The following GALNT10 variants were observed in gnomAD, a reference collection of about 807,000 sequenced individuals.
GALNT10 encodes GalNAc transferase 10.
A neutral mutation model predicts 75.0 loss-of-function variants in GALNT10; 41 were observed. That is an observed-to-expected ratio of 0.55 (90% CI 0.43 to 0.71). The LOEUF (loss-of-function observed/expected upper bound fraction) is 0.71. Among genes scored for constraint, GALNT10 ranks in the 30% least tolerant of loss-of-function variants. GALNT10 has a pLI of 0.00. For synonymous variants in GALNT10, 302 were observed against 313.0 expected (o/e 0.96, Z 0.37); for missense variants, 727 against 818.5 (o/e 0.89, Z 1.36).
chr5:154,191,694 C>A (rs1774863594), intron 1 of GALNT10, among the ~76,000 whole-genome samples: 1 of 152,258 alleles, frequency 6.6e-6, no homozygotes, highest in African/African-American at 2.4e-5. Flanking sequence ...CTTGAGGGAC[C>A]TGCTGCCTTT....
Position 154,412,402 on chromosome 5 carries a change from G to A in GALNT10, c.1387-487G>A, listed in dbSNP as rs1235592833. The A allele has an allele frequency of 6.2e-6, 1 of 160,536 alleles. No homozygotes were observed. 9.9% of individuals were successfully genotyped at this position (160,536 alleles called of 1,614,324 possible). A position where few individuals can be genotyped will look rare whatever the true frequency, so the allele number is the denominator to read the frequency against. On this transcript the variant is annotated intron_variant, in intron 9 of 11. Transcript: ENST00000297107. This position sits in a 1 kb window ranked among gnomAD's most constrained non-coding sequence, Gnocchi z 4.2. ...TTCTTTGGATCTCAGCAGGGGGTGAGGGGGCCTCCTGCCACCTCTTGCCAT... is the reference window on the plus strand; with the variant it reads ...TTCTTTGGATCTCAGCAGGGGGTGAAGGGGCCTCCTGCCACCTCTTGCCAT...
intron 4 of GALNT10, among the ~76,000 whole-genome samples, chr5:154,359,976 A>G (rs567759610): frequency 6.6e-4 from 100 of 152,132 alleles, no homozygotes; most frequent in Non-Finnish European, 9.0e-4. Context: ...CAGGAATCCT[A>G]CTTCTCAGTG....
intron 1 of GALNT10, among the ~76,000 whole-genome samples, chr5:154,254,723 C>T (rs569291388): frequency 6.6e-6 from 1 of 152,156 alleles, no homozygotes; most frequent in East Asian, 1.9e-4. Context: ...TGTCTAAGGC[C>T]ACATTACAGC....
intron 4 of GALNT10, among the ~76,000 whole-genome samples, chr5:154,344,206 TTTC>T (rs146114824): frequency 0.5 from 56,774 of 113,480 alleles, 12,773 homozygotes; most frequent in Admixed American, 0.59. Flanking sequence ...TCTTTCTTTC[TTTC>T]TTTTTTTTTT....
intron 1 of GALNT10, among the ~76,000 whole-genome samples, chr5:154,263,832 T>C (rs998123728): frequency 3.9e-5 from 6 of 152,188 alleles, no homozygotes; most frequent in African/African-American, 1.4e-4. Flanking sequence ...TTTCAACATA[T>C]GAATTCCAGA....
intron 1 of GALNT10, among the ~76,000 whole-genome samples, chr5:154,198,367 A>C (rs186331478): frequency 6.2e-4 from 94 of 152,346 alleles, no homozygotes; most frequent in African/African-American, 2.2e-3. Context: ...CTTGGTAAAC[A>C]TGGTGATGCC....
chr5:154,392,198 C>G (rs529223225), intron 7 of GALNT10: 2 of 152,352 alleles, frequency 1.3e-5, no homozygotes, highest in Non-Finnish European at 2.9e-5. Flanking sequence ...CTGGCCAACC[C>G]TCATTCACCC....
intron 3 of GALNT10, among the ~76,000 whole-genome samples, chr5:154,312,968 T>A (rs886422110): frequency 1.3e-5 from 2 of 152,216 alleles, no homozygotes; most frequent in African/African-American, 4.8e-5. Context: ...AAAAATTTTA[T>A]CATGTGGGAC....
intron 10 of GALNT10, among the ~76,000 whole-genome samples, chr5:154,413,311 AAG>A (rs1451839799): frequency 6.6e-6 from 1 of 152,138 alleles, no homozygotes; most frequent in Non-Finnish European, 1.5e-5. Flanking sequence ...TGGATCTCTC[AAG>A]AGAGTGCTTC....
intron 3 of GALNT10, among the ~76,000 whole-genome samples, chr5:154,316,203 A>G (rs1044789852): frequency 2.2e-4 from 34 of 152,252 alleles, no homozygotes; most frequent in Admixed American, 2.1e-3. Flanking sequence ...CACTTGGAAC[A>G]TAACAGCAGA....
intron 4 of GALNT10, among the ~76,000 whole-genome samples, chr5:154,351,923 A>T (rs1280920361): frequency 2.6e-5 from 4 of 152,218 alleles, no homozygotes; most frequent in Non-Finnish European, 5.9e-5. Context: ...TTTATTGAAC[A>T]CTTACTGTGT....
intron 3 of GALNT10, among the ~76,000 whole-genome samples, chr5:154,303,103 C>T (rs1381982115): frequency 6.6e-6 from 1 of 151,918 alleles, no homozygotes; most frequent in Non-Finnish European, 1.5e-5. Flanking sequence ...GCCTAAACAA[C>T]ACCCCCCACC....
At chr5:154,229,730 C>T (rs1433129435) in intron 1 of GALNT10, among the ~76,000 whole-genome samples, 3 of 151,260 alleles carry the variant, frequency 2.0e-5, no homozygotes, top group East Asian at 3.9e-4. Context: ...GAGACTCCAT[C>T]TCAAAAAAAA....
chr5:154,234,205 A>C lies in GALNT10; in HGVS notation c.159+43180A>C, dbSNP rs1483086420. ...ATAAAATGCATTATGTGCATGCTTT[A>C]ATTTCATATTCTTCTTAAAGAGCCT... On this transcript the variant is annotated intron_variant, in intron 1 of 11. Coordinates refer to ENST00000297107, the MANE Select transcript of GALNT10 (RefSeq NM_198321.4). Among the ~76,000 whole-genome samples the C allele has an allele frequency of 2.6e-5, 4 of 152,230 alleles. No individual in the cohort carries two copies. In the East Asian group the frequency reaches 7.7e-4, roughly 29 times the overall value.
intron 3 of GALNT10, among the ~76,000 whole-genome samples, chr5:154,311,744 G>A (rs1386690592): frequency 1.3e-5 from 2 of 151,966 alleles, no homozygotes; most frequent in East Asian, 3.9e-4. Context: ...TCGAGTAGCT[G>A]GGACTATGGG....
intron 4 of GALNT10, chr5:154,337,787 G>T (rs1311437095): frequency 9.5e-6 from 10 of 1,051,922 alleles, no homozygotes; most frequent in African/African-American, 9.3e-5. Flanking sequence ...GACCAAAGTT[G>T]TCATTCCCAC....
chr5:154,393,955 A>G (rs1343001390), intron 7 of GALNT10, among the ~76,000 whole-genome samples: 1 of 152,184 alleles, frequency 6.6e-6, no homozygotes, highest in Non-Finnish European at 1.5e-5. Context: ...CTGAGATGAG[A>G]TTCTGCACAA....
In GALNT10 at chr5:154,417,517, TTC is replaced by T. The variant is rs1208436337; in HGVS notation, c.*549_*550del. 1 of 154,532 alleles carries T rather than the reference TTC, an allele frequency of 6.5e-6. No homozygotes were observed. The highest frequency in any genetic ancestry group is 1.4e-5 in the Non-Finnish European group (1 of 69,538). 9.6% of individuals were successfully genotyped at this position (154,532 alleles called of 1,614,324 possible). A position where few individuals can be genotyped will look rare whatever the true frequency, so the allele number is the denominator to read the frequency against. The stretch of plus-strand genomic sequence containing the variant: ...CATTGCAGTTACTGCACAGCTTCTG[TTC>T]TCTGTCACAACCCCAGGTGATTTGG... On this transcript the variant is annotated 3_prime_UTR_variant, in exon 12 of 12. Transcript: ENST00000297107.
intron 4 of GALNT10, among the ~76,000 whole-genome samples, chr5:154,373,098 G>T (rs1755599958): frequency 1.3e-5 from 2 of 152,172 alleles, no homozygotes; most frequent in Non-Finnish European, 2.9e-5. Flanking sequence ...TCTCAGTCCT[G>T]ACACTTTCAT....
Sources: allele counts gnomAD v4.1 joint callset (sites outside exome capture counted in the v4.1 genomes callset), GRCh38; gene constraint gnomAD v4.1.1; non-coding constraint Gnocchi (gnomAD v3.1); transcripts MANE v1.5; gene names NCBI Gene and HGNC (gene_info 2026-07-23, HGNC 2026-07-21).